Variants in CELF4 observed in about 807,000 individuals in gnomAD.
The protein encoded by CELF4 is CUG-BP- and ETR-3-like factor 4.
CELF4 carries 18 observed loss-of-function variants against 59.9 expected under a neutral mutation model. The ratio of observed to expected loss-of-function variants is 0.30; its 90% CI spans 0.21 to 0.45. CELF4 has a LOEUF of 0.45. CELF4 is among the 20% of genes least tolerant of loss of function. The probability of loss-of-function intolerance (pLI) is 1.00; values close to 1 mark genes in which losing one functional copy is unlikely to be tolerated. For synonymous variants in CELF4, 261 were observed against 267.1 expected, an observed-to-expected ratio of 0.98 and a Z score of 0.22; for missense variants, 456 against 689.0, an observed-to-expected ratio of 0.66 and a Z score of 3.79.
intron 3 of CELF4, among the ~76,000 whole-genome samples, chr18:37,299,954 C>A (rs1264782950): frequency 1.3e-5 from 2 of 152,170 alleles, no homozygotes; most frequent in Non-Finnish European, 2.9e-5. Flanking sequence ...ACAACCCCCA[C>A]CATCTAGACC....
chr18:37,444,270 G>A (rs2099741514), intron 2 of CELF4, among the ~76,000 whole-genome samples: 1 of 151,990 alleles, frequency 6.6e-6, no homozygotes, highest in South Asian at 2.1e-4. Context: ...TGTGGGTAGG[G>A]GTGGATCCCC....
chr18:37,451,684 G>A (rs1339367596), intron 2 of CELF4, among the ~76,000 whole-genome samples: 2 of 152,152 alleles, frequency 1.3e-5, no homozygotes, highest in Non-Finnish European at 2.9e-5. Flanking sequence ...GTCTCCGGGA[G>A]GGCAGTCGTA....
chr18:37,367,975 C>T (rs1298438361), intron 2 of CELF4, among the ~76,000 whole-genome samples: 2 of 151,930 alleles, frequency 1.3e-5, no homozygotes, highest in African/African-American at 4.8e-5. Flanking sequence ...GGTGGGCTTG[C>T]TGAGAGGAGG....
rs543522957 is a variant in CELF4 at position 37,468,747 on chromosome 18, G to A, written c.369+16778C>T. On this transcript the variant is annotated intron_variant, in intron 2 of 12. Coordinates refer to ENST00000420428, the MANE Select transcript of CELF4 (RefSeq NM_020180.4). Reference sequence around the variant, plus strand: ...TGGTGGCAGGCAAGCAGAGGCAAAGGTACATCTTACATGGCAGCAGGGGAG... The same window carrying A: ...TGGTGGCAGGCAAGCAGAGGCAAAGATACATCTTACATGGCAGCAGGGGAG... Among the ~76,000 whole-genome samples, 6 of 152,246 alleles carry A rather than the reference G, an allele frequency of 3.9e-5. No individual in the cohort carries two copies. The South Asian group carries it at 8.3e-4, about 21-fold the overall frequency.
At chr18:37,394,635 G>A (rs987744813) in intron 2 of CELF4, among the ~76,000 whole-genome samples, 1 of 152,024 alleles carries the variant, frequency 6.6e-6, no homozygotes, top group Admixed American at 6.6e-5. Flanking sequence ...GCGATGCCAG[G>A]GCCCTCCCAC....
At chr18:37,249,756 AAG>A (rs2064290495) in intron 12 of CELF4, among the ~76,000 whole-genome samples, 1 of 152,088 alleles carries the variant, frequency 6.6e-6, no homozygotes, top group African/African-American at 2.4e-5. Context: ...CGGCATGGTG[AAG>A]TCCAACTCAC....
chr18:37,435,731 C>A (rs1281404955), intron 2 of CELF4, among the ~76,000 whole-genome samples: 2 of 152,156 alleles, frequency 1.3e-5, no homozygotes, highest in Admixed American at 6.5e-5. Flanking sequence ...GGGGAGGCTG[C>A]ACCCTGTCAG....
At chr18:37,287,474 A>C (rs2094908433) in intron 3 of CELF4, among the ~76,000 whole-genome samples, 1 of 152,166 alleles carries the variant, frequency 6.6e-6, no homozygotes. Context: ...AGGCGGGGTG[A>C]GGGGACCTCT....
At chr18:37,508,022 C>A (rs1327237742) in intron 1 of CELF4, among the ~76,000 whole-genome samples, 1 of 152,188 alleles carries the variant, frequency 6.6e-6, no homozygotes, top group Admixed American at 6.5e-5. Context: ...CAGGTCCAGA[C>A]CTCGCCATCA....
chr18:37,488,333 G>C (rs1325384820), intron 1 of CELF4, among the ~76,000 whole-genome samples: 2 of 152,124 alleles, frequency 1.3e-5, no homozygotes, highest in African/African-American at 4.8e-5. Flanking sequence ...CTCAGATGAG[G>C]TTAGGAGCCT....
intron 1 of CELF4, among the ~76,000 whole-genome samples, chr18:37,523,632 G>A (rs552717963): frequency 6.6e-6 from 1 of 152,314 alleles, no homozygotes; most frequent in African/African-American, 2.4e-5. Flanking sequence ...TGCAGCTCAG[G>A]CTGCGAGTGG....
At chr18:37,464,271 G>A (rs943869983) in intron 2 of CELF4, among the ~76,000 whole-genome samples, 1 of 137,870 alleles carries the variant, frequency 7.3e-6, no homozygotes, top group South Asian at 2.4e-4. Context: ...AGGAAGGTTG[G>A]CTGGAGAGGG....
intron 2 of CELF4, among the ~76,000 whole-genome samples, chr18:37,413,240 C>G (rs1198832810): frequency 1.3e-5 from 2 of 152,144 alleles, no homozygotes; most frequent in Non-Finnish European, 2.9e-5. Flanking sequence ...GTCTGTGTGT[C>G]TGCGTGTGTT....
chr18:37,507,862 T>C (rs1053857376), intron 1 of CELF4, among the ~76,000 whole-genome samples: 4 of 152,174 alleles, frequency 2.6e-5, no homozygotes, highest in Non-Finnish European at 4.4e-5. Context: ...TGTGCCCACA[T>C]CTGCCCATCC....
Position 37,254,183 on chromosome 18 carries a change from C to T in CELF4, c.1334-245G>A, listed in dbSNP as rs1014650752. Among the ~76,000 whole-genome samples the T allele has an allele frequency of 2.0e-4, 31 of 151,226 alleles. No individual in the cohort carries two copies. Among genetic ancestry groups the T allele is most frequent in the Non-Finnish European group, 4.4e-4 (30 of 67,662 alleles). ...GCGCCTAGTCTCTGGCCGCGTCACT[C>T]GCCCGGCGCCCGCTCCCCAAGTGGG... On this transcript the variant is annotated intron_variant, in intron 11 of 12. Coordinates refer to ENST00000420428, the MANE Select transcript of CELF4 (RefSeq NM_020180.4). This position sits in a 1 kb window ranked among gnomAD's most constrained non-coding sequence, Gnocchi z 5.1.
chr18:37,319,900 T>C (rs650303), intron 3 of CELF4, among the ~76,000 whole-genome samples: 121,882 of 152,148 alleles, frequency 0.8, 49,235 homozygotes, highest in East Asian at 0.97. Flanking sequence ...AGCTCCTGGC[T>C]GGGAGGTGGA....
At chr18:37,294,467 G>A (rs2095528019) in intron 3 of CELF4, among the ~76,000 whole-genome samples, 1 of 152,118 alleles carries the variant, frequency 6.6e-6, no homozygotes, top group Admixed American at 6.6e-5. Flanking sequence ...CCTATGCATG[G>A]GTCACCCACT....
intron 1 of CELF4, among the ~76,000 whole-genome samples, chr18:37,556,025 A>G (rs963968279): frequency 5.3e-5 from 8 of 152,174 alleles, no homozygotes; most frequent in African/African-American, 1.9e-4. Flanking sequence ...TCAAATAGTC[A>G]GTTACAGCAT....
intron 1 of CELF4, among the ~76,000 whole-genome samples, chr18:37,498,283 C>T (rs998304654): frequency 6.6e-6 from 1 of 151,776 alleles, no homozygotes; most frequent in Non-Finnish European, 1.5e-5. Context: ...TGTTCTTCCT[C>T]TCCTCTCTTC....
Sources: allele counts gnomAD v4.1 joint callset (sites outside exome capture counted in the v4.1 genomes callset), GRCh38; gene constraint gnomAD v4.1.1; non-coding constraint Gnocchi (gnomAD v3.1); transcripts MANE v1.5; gene names NCBI Gene and HGNC (gene_info 2026-07-23, HGNC 2026-07-21).